FBXW2: variants seen among roughly 807,000 people sequenced by gnomAD.
The protein encoded by FBXW2 is F-box and WD repeat domain containing 2.
A neutral mutation model predicts 46.0 loss-of-function variants in FBXW2; 12 were observed. The observed-to-expected ratio is 0.26, with a 90% CI of 0.17 to 0.42. The LOEUF (loss-of-function observed/expected upper bound fraction) is 0.42, where lower values mean the gene tolerates loss of function less well. FBXW2 is among the 10% of genes least tolerant of loss of function. The pLI, the probability that FBXW2 is intolerant of heterozygous loss-of-function variation, is 1.00. For synonymous variants in FBXW2, 203 were observed against 209.6 expected (o/e 0.97, Z 0.27); for missense variants, 360 against 537.0 (o/e 0.67, Z 3.26).
At position 120,785,561 on chromosome 9, in the gene FBXW2, T is replaced by TA. The variant is rs1564461781; in HGVS notation, c.490+2207dup. On this transcript the variant is annotated intron_variant, in intron 3 of 7. Transcript: ENST00000608872. Reference sequence around the variant, plus strand: ...TTTCAGAGAAAATATCACCACATAATACATACCCTTAATGAATAAAGAAAT... The same window carrying TA: ...TTTCAGAGAAAATATCACCACATAATAACATACCCTTAATGAATAAAGAAAT... Among the ~76,000 whole-genome samples the TA allele has an allele frequency of 6.6e-5, 10 of 152,168 alleles. No individual in the cohort carries two copies. In the South Asian group the frequency reaches 2.1e-3, roughly 32 times the overall value.
rs2044208826 is a variant in FBXW2, at chr9:120,762,347, A to C, written c.*2212T>G. On this transcript the variant is annotated 3_prime_UTR_variant, in exon 8 of 8. Coordinates refer to ENST00000608872, the MANE Select transcript of FBXW2 (RefSeq NM_012164.4). Reference sequence around the variant, plus strand: ...AAGAGCGAAACTCTGTCTCAAAAAAAAAAAAATAATAATAAAGTAAAAAGT... The same window carrying C: ...AAGAGCGAAACTCTGTCTCAAAAAACAAAAAATAATAATAAAGTAAAAAGT... 1 of 148,468 alleles carries C rather than the reference A, an allele frequency of 6.7e-6. No individual in the cohort carries two copies. Among genetic ancestry groups the C allele is most frequent in the Non-Finnish European group, 1.5e-5 (1 of 66,496 alleles). The allele number at this position is 148,468 out of a possible 1,614,324, so 9.2% of individuals were successfully genotyped here. A position where few individuals can be genotyped will look rare whatever the true frequency, so the allele number is the denominator to read the frequency against.
intron 7 of FBXW2, among the ~76,000 whole-genome samples, chr9:120,766,069 G>A (rs999281911): frequency 2.0e-5 from 3 of 152,160 alleles, no homozygotes; most frequent in African/African-American, 7.2e-5. Context: ...ACTGCTCTGT[G>A]ACATATGGTG....
Position 120,764,535 on chromosome 9 carries a change from A to T in FBXW2, c.*24T>A. 6.3e-7 allele frequency: 1 copy of T among 1,596,654 alleles called. No individual in the cohort carries two copies. The highest frequency in any genetic ancestry group is 8.6e-7 in the Non-Finnish European group (1 of 1,166,698). On this transcript the variant is annotated 3_prime_UTR_variant, in exon 8 of 8. Coordinates refer to ENST00000608872, the MANE Select transcript of FBXW2 (RefSeq NM_012164.4). ...ACCCGCAGCCCCGGCACCCAAAGTC[A>T]GTCAGCGGTGGTGGCTCATGGTGTC... is the stretch of plus-strand genomic sequence containing the variant.
chr9:120,789,272 C>A (rs535341975), intron 2 of FBXW2, among the ~76,000 whole-genome samples: 4 of 152,198 alleles, frequency 2.6e-5, no homozygotes, highest in Non-Finnish European at 4.4e-5. Context: ...AGGAGAACCA[C>A]GACCAAGTGG....
intron 3 of FBXW2, among the ~76,000 whole-genome samples, chr9:120,782,464 C>CA (rs112831052): frequency 0.062 from 8,997 of 144,264 alleles, 877 homozygotes; most frequent in African/African-American, 0.21. Context: ...GACTCTGTCT[C>CA]AAAAAAAAAA....
intron 7 of FBXW2, 23 bp from the exon 8 acceptor site, chr9:120,764,870 C>T (rs2044247021): frequency 6.6e-7 from 1 of 1,509,254 alleles, no homozygotes; most frequent in Admixed American, 2.2e-5. Flanking sequence ...GAGTTAGGGA[C>T]TGTGAAAGAA....
intron 7 of FBXW2, among the ~76,000 whole-genome samples, chr9:120,766,341 A>G (rs2044275030): frequency 6.6e-6 from 1 of 152,262 alleles, no homozygotes; most frequent in Non-Finnish European, 1.5e-5. Context: ...TCAGAGGCAA[A>G]GAGTTACAAA....
intron 3 of FBXW2, among the ~76,000 whole-genome samples, chr9:120,779,968 T>C (rs1168158374): frequency 6.8e-6 from 1 of 147,176 alleles, no homozygotes; most frequent in Non-Finnish European, 1.5e-5. Flanking sequence ...CGCGAAACCC[T>C]GTCTCTACTA....
At chr9:120,774,337 CAAAAAAAA>C (rs34199690) in intron 5 of FBXW2, among the ~76,000 whole-genome samples, 36 of 76,120 alleles carry the variant, frequency 4.7e-4, no homozygotes, top group Admixed American at 9.8e-4. Context: ...AACTCCATCT[CAAAAAAAA>C]AAAAAAAAAA....
At chr9:120,789,348 T>A (rs2044786647) in intron 2 of FBXW2, among the ~76,000 whole-genome samples, 1 of 152,176 alleles carries the variant, frequency 6.6e-6, no homozygotes, top group Admixed American at 6.5e-5. Context: ...GACAAATTGC[T>A]CCTGAGCTAA....
At chr9:120,780,909 C>T (rs2044597708) in intron 3 of FBXW2, among the ~76,000 whole-genome samples, 1 of 152,054 alleles carries the variant, frequency 6.6e-6, no homozygotes, top group South Asian at 2.1e-4. Context: ...CGAGGCTCCA[C>T]TGAATTTATG....
chr9:120,776,912 G>GA (rs1564456255), intron 4 of FBXW2, among the ~76,000 whole-genome samples: 1 of 151,908 alleles, frequency 6.6e-6, no homozygotes, highest in Admixed American at 6.6e-5. Context: ...AGGAAGCCCA[G>GA]AAAAAAATAA....
Position 120,772,852 on chromosome 9 carries a change from A to C in FBXW2, c.820-12T>G. ...TTCTGCAAAACTACCTGCAAATGTA[A>C]ACCATGTTACGGAAAGATCCTTTTA... On this transcript the variant is annotated splice_polypyrimidine_tract_variant and intron_variant, in intron 5 of 7. Transcript: ENST00000608872. 1 of 1,591,890 alleles carries C rather than the reference A, an allele frequency of 6.3e-7. No individual in the cohort carries two copies. Among genetic ancestry groups the C allele is most frequent in the Non-Finnish European group, 8.6e-7 (1 of 1,160,740 alleles).
At chr9:120,772,508 A>AAC (rs72537342) in intron 6 of FBXW2, among the ~76,000 whole-genome samples, 1 of 151,756 alleles carries the variant, frequency 6.6e-6, no homozygotes, top group Non-Finnish European at 1.5e-5. Flanking sequence ...AACCAACAAC[A>AAC]AAAATTAAGA....
chr9:120,778,157 A>T (rs1256154002), intron 4 of FBXW2, among the ~76,000 whole-genome samples, 194 bp downstream of exon 4: 1 of 152,116 alleles, frequency 6.6e-6, no homozygotes, highest in African/African-American at 2.4e-5. Flanking sequence ...CATAGAAGAA[A>T]GCAAGAAAAA....
intron 7 of FBXW2, among the ~76,000 whole-genome samples, chr9:120,770,393 C>A (rs889987243): frequency 1.0e-3 from 146 of 145,356 alleles, no homozygotes; most frequent in African/African-American, 3.4e-3. Flanking sequence ...AAAAAAAAAA[C>A]AATGAAGAGA....
At chr9:120,781,052 T>C (rs2044601692) in intron 3 of FBXW2, among the ~76,000 whole-genome samples, 1 of 151,804 alleles carries the variant, frequency 6.6e-6, no homozygotes, top group Admixed American at 6.6e-5. Flanking sequence ...AAAAAAAACC[T>C]TTAAGTTTTA....
chr9:120,780,615 G>A (rs2044591047), intron 3 of FBXW2, among the ~76,000 whole-genome samples: 2 of 152,158 alleles, frequency 1.3e-5, no homozygotes, highest in Admixed American at 6.5e-5. Context: ...GTTCAGGCAT[G>A]TTGTGACTGT....
At chr9:120,785,273 G>A (rs1181155836) in intron 3 of FBXW2, among the ~76,000 whole-genome samples, 7 of 152,124 alleles carry the variant, frequency 4.6e-5, no homozygotes, top group Non-Finnish European at 8.8e-5. Context: ...GCCTCCCAAA[G>A]TGTTGGGACT....
Sources: gnomAD v4.1 joint callset for allele counts (sites outside exome capture counted in the v4.1 genomes callset) on GRCh38, gnomAD v4.1.1 for gene constraint, MANE v1.5 for transcripts, NCBI Gene and HGNC (gene_info 2026-07-23, HGNC 2026-07-21) for gene names.